LTBP2: variants seen among roughly 807,000 people sequenced by gnomAD.
LTBP2 encodes latent transforming growth factor beta binding protein 2.
Under a neutral mutation model 210.6 loss-of-function variants are expected in LTBP2, and 103 were observed. The ratio of observed to expected loss-of-function variants is 0.49; its 90% CI spans 0.42 to 0.58. The LOEUF is 0.58. Among genes scored for constraint, LTBP2 ranks in the 20% least tolerant of loss-of-function variants. LTBP2 has a pLI of 0.00. For missense variants in LTBP2, 2,313 were observed against 2,494.5 expected, an observed-to-expected ratio of 0.93 and a Z score of 1.55; for synonymous variants, 1,007 against 1,015.0, an observed-to-expected ratio of 0.99 and a Z score of 0.15.
In LTBP2 at chr14:74,540,830, A is replaced by ATATATATTAT. The variant is rs1555350191; in HGVS notation, c.1790-4831_1790-4830insATAATATATA. On this transcript the variant is annotated intron_variant, in intron 8 of 35. Coordinates refer to ENST00000261978, the MANE Select transcript of LTBP2 (RefSeq NM_000428.3). ...ATATAATATATATATATTTTTATAT[A>ATATATATTAT]ATATATATTTATATATATTATATAT... 3.4e-3 allele frequency among the ~76,000 whole-genome samples: 232 copies of ATATATATTAT among 68,586 alleles called. 16 individuals are homozygous for ATATATATTAT. The highest frequency in any genetic ancestry group is 0.018 in the South Asian group (48 of 2,598). 45.0% of individuals were successfully genotyped at this position (68,586 alleles called of 152,430 possible).
At chr14:74,539,302 G>A (rs192694757) in intron 8 of LTBP2, among the ~76,000 whole-genome samples, 3 of 152,306 alleles carry the variant, frequency 2.0e-5, no homozygotes, top group Admixed American at 2.0e-4. Flanking sequence ...AGCTGTGAAG[G>A]CCACATCCTT....
chr14:74,591,366 A>G (rs1173488240), intron 2 of LTBP2, among the ~76,000 whole-genome samples: 1 of 152,214 alleles, frequency 6.6e-6, no homozygotes, highest in Non-Finnish European at 1.5e-5. Flanking sequence ...TGGAAATGGC[A>G]TTTAGTATAT....
chr14:74,608,336 A>G lies in LTBP2; in HGVS notation c.494+3115T>C, dbSNP rs563057765. Among the ~76,000 whole-genome samples the G allele has an allele frequency of 3.9e-5, 6 of 152,372 alleles. No homozygotes were observed. In the East Asian group the frequency reaches 1.2e-3, roughly 29 times the overall value. ...TGTTATTTTAACAGAATATAAAGTT[A>G]AAGAAAAATAATAACAGAACAAGAG... On this transcript the variant is annotated intron_variant, in intron 1 of 35. Transcript: ENST00000261978.
At chr14:74,604,164 C>CAAAAAAAAAAA (rs59313477) in intron 1 of LTBP2, among the ~76,000 whole-genome samples, 9 of 72,734 alleles carry the variant, frequency 1.2e-4, no homozygotes, top group African/African-American at 5.2e-4. Flanking sequence ...TGCCTCTCAC[C>CAAAAAAAAAAA]AAAAAAAAAA....
chr14:74,547,118 G>C (rs1007630490), intron 8 of LTBP2, among the ~76,000 whole-genome samples: 18 of 152,232 alleles, frequency 1.2e-4, no homozygotes, highest in Non-Finnish European at 2.5e-4. Context: ...TGCTCCCACT[G>C]TCCCCTCCAA....
chr14:74,574,124 A>C (rs1440675047), intron 3 of LTBP2, among the ~76,000 whole-genome samples: 1 of 152,192 alleles, frequency 6.6e-6, no homozygotes, highest in Non-Finnish European at 1.5e-5. Context: ...CCACAGTCCT[A>C]AATGTTACTT....
chr14:74,544,991 G>A (rs967907978), intron 8 of LTBP2, among the ~76,000 whole-genome samples: 2 of 152,132 alleles, frequency 1.3e-5, no homozygotes, highest in Admixed American at 6.5e-5. Flanking sequence ...AACGCAGGCC[G>A]GGGCTACATG....
At chr14:74,581,035 C>T (rs764507816) in intron 3 of LTBP2, among the ~76,000 whole-genome samples, 1 of 152,220 alleles carries the variant, frequency 6.6e-6, no homozygotes, top group Non-Finnish European at 1.5e-5. Flanking sequence ...GCATCTCCAG[C>T]ACATTTGAGG....
At chr14:74,558,723 G>T (rs1032151793) in intron 3 of LTBP2, among the ~76,000 whole-genome samples, 1 of 152,092 alleles carries the variant, frequency 6.6e-6, no homozygotes, top group Non-Finnish European at 1.5e-5. Context: ...TCTCTAATTG[G>T]TGCTCAGAGC....
rs141400867 is a variant in LTBP2 at position 74,584,947 on chromosome 14, G to A, written c.830+907C>T. ...CCTCTCCCTGGTTCTCCTGGGCTCT[G>A]AAAGAGCAAATCCTCTTTCCCTTTA... On this transcript the variant is annotated intron_variant, in intron 3 of 35. Coordinates refer to ENST00000261978, the MANE Select transcript of LTBP2 (RefSeq NM_000428.3). Among the ~76,000 whole-genome samples, 6 of 152,210 alleles carry A rather than the reference G, an allele frequency of 3.9e-5. No individual in the cohort carries two copies. In the East Asian group the frequency reaches 1.2e-3, roughly 29 times the overall value.
chr14:74,610,851 A>G (rs61056974), intron 1 of LTBP2, among the ~76,000 whole-genome samples: 13,954 of 152,218 alleles, frequency 0.092, 1,221 homozygotes, highest in African/African-American at 0.21. Flanking sequence ...CAGCCTCATC[A>G]GGACACGCTT....
chr14:74,556,346 C>A (rs535369038), intron 3 of LTBP2, among the ~76,000 whole-genome samples: 1 of 152,308 alleles, frequency 6.6e-6, no homozygotes, highest in Admixed American at 6.5e-5. Flanking sequence ...TTGTCATCAC[C>A]TAGAGATACA....
At chr14:74,592,716 T>C (rs1322675928) in intron 2 of LTBP2, among the ~76,000 whole-genome samples, 1 of 152,078 alleles carries the variant, frequency 6.6e-6, no homozygotes, top group Non-Finnish European at 1.5e-5. Context: ...CAACCTAGTA[T>C]GGGTTATGTG....
At chr14:74,567,100 C>CGGAG (rs2087912792) in intron 3 of LTBP2, among the ~76,000 whole-genome samples, 1 of 152,168 alleles carries the variant, frequency 6.6e-6, no homozygotes, top group East Asian at 1.9e-4. Flanking sequence ...GGCAGGGAGA[C>CGGAG]GGAGGGAGGC....
intron 30 of LTBP2, 47 bp from the exon 31 acceptor site, chr14:74,504,101 A>AG: frequency 6.2e-7 from 1 of 1,605,782 alleles, no homozygotes; most frequent in Non-Finnish European, 8.5e-7. Flanking sequence ...AGGCAGTATG[A>AG]GGGGTACCTA....
chr14:74,597,046 G>C (rs1024284490), intron 2 of LTBP2, among the ~76,000 whole-genome samples: 1 of 152,202 alleles, frequency 6.6e-6, no homozygotes, highest in African/African-American at 2.4e-5. Flanking sequence ...TGTTCCGGGA[G>C]CAATGCAAAA....
At chr14:74,596,596 G>A (rs867860024) in intron 2 of LTBP2, among the ~76,000 whole-genome samples, 14 of 152,210 alleles carry the variant, frequency 9.2e-5, no homozygotes, top group South Asian at 2.1e-4. Context: ...CAGGGAGAGC[G>A]GGCAGCAGGC....
rs577688841 is a variant in LTBP2, at chr14:74,506,323, T to C, written c.4034-132A>G. On this transcript the variant is annotated intron_variant, in intron 27 of 35. Coordinates refer to ENST00000261978, the MANE Select transcript of LTBP2 (RefSeq NM_000428.3). ...AGAAACAAGAGTAAGTATAGATTTG[T>C]AGGGAGGAGGAACCAATGGACAGAG... is the stretch of plus-strand genomic sequence containing the variant. The C allele has an allele frequency of 1.4e-5, 17 of 1,232,816 alleles. No homozygotes were observed. In the African/African-American group the frequency reaches 2.4e-4, roughly 17 times the overall value. 76.4% of individuals were successfully genotyped at this position (1,232,816 alleles called of 1,614,324 possible). A position where few individuals can be genotyped will look rare whatever the true frequency, so the allele number is the denominator to read the frequency against.
At chr14:74,533,103 C>T (rs773164025) in intron 9 of LTBP2, among the ~76,000 whole-genome samples, 1 of 152,248 alleles carries the variant, frequency 6.6e-6, no homozygotes, top group Admixed American at 6.5e-5. Context: ...GCCTTGGCCT[C>T]CCGAAGTGCT....
Sources: allele counts gnomAD v4.1 joint callset (sites outside exome capture counted in the v4.1 genomes callset), GRCh38; gene constraint gnomAD v4.1.1; transcripts MANE v1.5; gene names NCBI Gene and HGNC (gene_info 2026-07-23, HGNC 2026-07-21).